NGEF: variants seen among roughly 807,000 people sequenced by gnomAD.
NGEF encodes neuronal guanine nucleotide exchange factor, also known as ephexin-1.
A neutral mutation model predicts 80.9 loss-of-function variants in NGEF; 31 were observed. The observed-to-expected ratio is 0.38, with a 90% CI of 0.29 to 0.52. NGEF has a LOEUF of 0.52. NGEF is among the 20% of genes least tolerant of loss of function. The probability of loss-of-function intolerance (pLI) is 0.84; values close to 1 mark genes in which losing one functional copy is unlikely to be tolerated. For missense variants in NGEF, 709 were observed against 926.2 expected (o/e 0.77, Z 3.04); for synonymous variants, 371 against 370.2 (o/e 1.00, Z -0.03).
chr2:232,909,512 A>G (rs1256682977), intron 5 of NGEF, among the ~76,000 whole-genome samples: 1 of 152,160 alleles, frequency 6.6e-6, no homozygotes, highest in African/African-American at 2.4e-5. Flanking sequence ...TTATTTTGTT[A>G]GGTCAAACAC....
chr2:232,968,601 T>A (rs1300903516), intron 3 of NGEF, among the ~76,000 whole-genome samples: 2 of 152,082 alleles, frequency 1.3e-5, no homozygotes, highest in African/African-American at 2.4e-5. Flanking sequence ...AGATGGGGTT[T>A]CACCATGTTG....
chr2:232,966,583 G>A (rs980135414), intron 3 of NGEF, among the ~76,000 whole-genome samples: 12 of 148,256 alleles, frequency 8.1e-5, no homozygotes, highest in Non-Finnish European at 1.8e-4. Flanking sequence ...GGCTCCCATG[G>A]GGAAGGGTAG....
intron 8 of NGEF, among the ~76,000 whole-genome samples, chr2:232,888,808 G>A (rs141405897): frequency 6.6e-6 from 1 of 152,224 alleles, no homozygotes; most frequent in Non-Finnish European, 1.5e-5. Flanking sequence ...GTGTAAGAAA[G>A]AGTCTCTTCT....
In NGEF at chr2:232,879,486, G is replaced by T; in HGVS notation, c.*3C>A. 6.2e-7 allele frequency: 1 copy of T among 1,604,858 alleles called. No individual in the cohort carries two copies. Among genetic ancestry groups the T allele is most frequent in the Non-Finnish European group, 8.5e-7 (1 of 1,172,756 alleles). Reference sequence around the variant, plus strand: ...CTGCTCCCGCTGGCCCCCTGGGTGGGGGTCATTGCCGATTCCGGCTGCCCA... The same window carrying T: ...CTGCTCCCGCTGGCCCCCTGGGTGGTGGTCATTGCCGATTCCGGCTGCCCA... On this transcript the variant is annotated 3_prime_UTR_variant, in exon 15 of 15. Coordinates refer to ENST00000264051, the MANE Select transcript of NGEF (RefSeq NM_019850.3).
chr2:232,968,618 C>G (rs1352791123), intron 3 of NGEF, among the ~76,000 whole-genome samples: 1 of 151,986 alleles, frequency 6.6e-6, no homozygotes, highest in Admixed American at 6.6e-5. Flanking sequence ...GTTGGATAGG[C>G]TGGTCTCGAA....
chr2:232,941,539 T>C (rs1693437323), intron 3 of NGEF, among the ~76,000 whole-genome samples: 1 of 152,236 alleles, frequency 6.6e-6, no homozygotes. Flanking sequence ...AAGTTAGATC[T>C]TTCACTGTCT....
At position 232,930,473 on chromosome 2, in the gene NGEF, C is replaced by T. The variant is rs755437825; in HGVS notation, c.384-3287G>A. ...CAGCTGGGACTACAGGCACCCGCCA[C>T]CACGCCTGGCTAATTTTTGTATTTT... On this transcript the variant is annotated intron_variant, in intron 3 of 14. Transcript: ENST00000264051. Among the ~76,000 whole-genome samples, 7 of 152,250 alleles carry T rather than the reference C, an allele frequency of 4.6e-5. No individual in the cohort carries two copies. The South Asian group carries it at 1.2e-3, about 27-fold the overall frequency.
At chr2:232,987,721 G>T (rs1173968473) in intron 1 of NGEF, among the ~76,000 whole-genome samples, 1 of 152,190 alleles carries the variant, frequency 6.6e-6, no homozygotes, top group African/African-American at 2.4e-5. Context: ...GGGGATTTCT[G>T]AAGGTAGGGA....
chr2:232,906,673 G>T (rs1300075730), intron 5 of NGEF, among the ~76,000 whole-genome samples: 1 of 129,300 alleles, frequency 7.7e-6, no homozygotes. Context: ...CACCCCATCT[G>T]GGAGGTGTAC....
intron 1 of NGEF, among the ~76,000 whole-genome samples, chr2:232,983,111 C>A (rs774696616): frequency 6.6e-6 from 1 of 152,046 alleles, no homozygotes; most frequent in Non-Finnish European, 1.5e-5. Flanking sequence ...GTGTTCTGAG[C>A]GTGAACAAAG....
chr2:232,994,369 CA>C (rs10591943), intron 1 of NGEF, among the ~76,000 whole-genome samples: 1,473 of 128,940 alleles, frequency 0.011, 12 homozygotes, highest in South Asian at 0.051. Flanking sequence ...GACTTTGTCT[CA>C]AAAAAAAAAA....
intron 3 of NGEF, among the ~76,000 whole-genome samples, chr2:232,931,479 G>C (rs1574620016): frequency 6.6e-6 from 1 of 152,210 alleles, no homozygotes; most frequent in Non-Finnish European, 1.5e-5. Context: ...GTAATTTGAA[G>C]ATGGAGCTGT....
chr2:232,919,105 C>G (rs1186236098), intron 5 of NGEF, among the ~76,000 whole-genome samples: 1 of 152,226 alleles, frequency 6.6e-6, no homozygotes, highest in African/African-American at 2.4e-5. Context: ...ATGAAGCCTT[C>G]CCTAGTAGCA....
At chr2:232,961,462 A>T (rs933838960) in intron 3 of NGEF, among the ~76,000 whole-genome samples, 3 of 152,236 alleles carry the variant, frequency 2.0e-5, no homozygotes, top group African/African-American at 7.2e-5. Context: ...TAAACACCTG[A>T]CCCAAGGATG....
chr2:232,949,149 C>G (rs1178300596), intron 3 of NGEF, among the ~76,000 whole-genome samples: 2 of 152,312 alleles, frequency 1.3e-5, no homozygotes, highest in African/African-American at 4.8e-5. Flanking sequence ...CTGATCACTG[C>G]CCAGCCTGGG....
rs1172985572 is a variant in NGEF at position 232,932,002 on chromosome 2, C to T, written c.384-4816G>A. ...TTTCTCCAGTGTCCAGTGACATGCT[C>T]CTCATTGCTTTCCAAGGCCTCATTA... On this transcript the variant is annotated intron_variant, in intron 3 of 14. Transcript: ENST00000264051. Among the ~76,000 whole-genome samples, 11 of 152,276 alleles carry T rather than the reference C, an allele frequency of 7.2e-5. No homozygotes were observed. In the East Asian group the frequency reaches 2.1e-3, roughly 29 times the overall value.
chr2:232,911,553 A>G (rs530822810), intron 5 of NGEF, among the ~76,000 whole-genome samples: 157 of 152,322 alleles, frequency 1.0e-3, no homozygotes, highest in Non-Finnish European at 2.0e-3. Flanking sequence ...AAATGCTGGG[A>G]TTTTGACTGG....
intron 8 of NGEF, 109 bp downstream of exon 8, chr2:232,891,249 C>A: frequency 7.1e-7 from 1 of 1,399,698 alleles, no homozygotes; most frequent in Non-Finnish European, 9.9e-7. Flanking sequence ...ATGGGAGGAG[C>A]TTAGTATCTG....
chr2:232,940,205 C>T lies in NGEF; in HGVS notation c.384-13019G>A, dbSNP rs185465607. Reference sequence around the variant, plus strand: ...GATTAATATTTCTATTTCAGAGTGTCTCATAAGGAAACTGGTGATAGCACC... The same window carrying T: ...GATTAATATTTCTATTTCAGAGTGTTTCATAAGGAAACTGGTGATAGCACC... On this transcript the variant is annotated intron_variant, in intron 3 of 14. Coordinates refer to ENST00000264051, the MANE Select transcript of NGEF (RefSeq NM_019850.3). 1.4e-4 allele frequency among the ~76,000 whole-genome samples: 22 copies of T among 152,244 alleles called. 1 individual carries two copies. Among genetic ancestry groups the T allele is most frequent in the African/African-American group, 5.3e-4 (22 of 41,542 alleles).
Sources: gnomAD v4.1 joint callset for allele counts (sites outside exome capture counted in the v4.1 genomes callset) on GRCh38, gnomAD v4.1.1 for gene constraint, MANE v1.5 for transcripts, NCBI Gene and HGNC (gene_info 2026-07-23, HGNC 2026-07-21) for gene names.